ELOVL4: variants seen among roughly 807,000 people sequenced by gnomAD.
ELOVL4 encodes very long chain fatty acid elongase 4.
A neutral mutation model predicts 42.1 loss-of-function variants in ELOVL4; 18 were observed. The observed-to-expected ratio is 0.43, with a 90% CI of 0.30 to 0.63. The LOEUF is 0.63. Ranked by LOEUF, ELOVL4 falls within the 30% of genes least tolerant of loss-of-function variation. The pLI, the probability that ELOVL4 is intolerant of heterozygous loss-of-function variation, is 0.15. For synonymous variants in ELOVL4, 117 were observed against 127.0 expected, an observed-to-expected ratio of 0.92 and a Z score of 0.53; for missense variants, 299 against 376.2, an observed-to-expected ratio of 0.79 and a Z score of 1.70.
rs768130827 is a variant in ELOVL4 at position 79,916,662 on chromosome 6, T to A, written c.891A>T (p.Gln297His). Residue 297 changes from glutamine to histidine, a missense_variant, in exon 6 of 6, where the codon CAA (glutamine) becomes CAT (histidine). Physicochemically the swap from Gln to His is conservative, Grantham distance 24. Transcript: ENST00000369816. Reference protein sequence around the residue: ...SANGVSKSEKQLMIENGKKQK... With the variant: ...SANGVSKSEKHLMIENGKKQK... ...GCTTTTTTCCATTTTCTATCATGAG[T>A]TGTTTTTCTGATTTGCTCACACCAT... 1 of 1,614,218 alleles carries A rather than the reference T, an allele frequency of 6.2e-7. No homozygotes were observed. The highest frequency in any genetic ancestry group is 1.1e-5 in the South Asian group (1 of 91,088).
chr6:79,924,383 T>C (rs1238785318), intron 3 of ELOVL4, among the ~76,000 whole-genome samples: 1 of 152,226 alleles, frequency 6.6e-6, no homozygotes, highest in African/African-American at 2.4e-5. Flanking sequence ...ACTTCTTTGC[T>C]TTAACAAGTA....
At chr6:79,923,188 T>A (rs1308510747) in intron 3 of ELOVL4, among the ~76,000 whole-genome samples, 1 of 152,186 alleles carries the variant, frequency 6.6e-6, no homozygotes, top group Non-Finnish European at 1.5e-5. Flanking sequence ...CAAAAAGTGA[T>A]ACTTCTTGGC....
At chr6:79,946,124 C>T (rs528355944) in intron 1 of ELOVL4, among the ~76,000 whole-genome samples, 1 of 152,292 alleles carries the variant, frequency 6.6e-6, no homozygotes, top group African/African-American at 2.4e-5. Context: ...AAGGCAGAGT[C>T]ATAAGATGGA....
rs1454915194 is a variant in ELOVL4, at chr6:79,921,636, G to A, written c.530C>T (p.Ala177Val). 1 of 1,613,860 alleles carries A rather than the reference G, an allele frequency of 6.2e-7. No individual in the cohort carries two copies. The highest frequency in any genetic ancestry group is 8.5e-7 in the Non-Finnish European group (1 of 1,179,940). Residue 177 changes from alanine (A) to valine (V), a missense_variant, in exon 4 of 6, where the codon GCA becomes GTA. Transcript: ENST00000369816. ...TLWWIGIKWVAGGQAFFGAQL... is the reference protein window; with the variant it reads ...TLWWIGIKWVVGGQAFFGAQL... ...CTGAAAATGCTCACCTTGTCCTCCTGCAACCCACTTAATTCCAATCCACCA... is the reference window on the plus strand; with the variant it reads ...CTGAAAATGCTCACCTTGTCCTCCTACAACCCACTTAATTCCAATCCACCA...
intron 3 of ELOVL4, among the ~76,000 whole-genome samples, chr6:79,922,730 C>G (rs1222378439): frequency 1.3e-5 from 2 of 152,104 alleles, no homozygotes; most frequent in African/African-American, 2.4e-5. Flanking sequence ...GTTGAAGGAT[C>G]CCTTTGCATT....
chr6:79,940,060 C>A (rs185617961), intron 1 of ELOVL4, among the ~76,000 whole-genome samples: 1 of 152,050 alleles, frequency 6.6e-6, no homozygotes, highest in Non-Finnish European at 1.5e-5. Context: ...CTGCTATGTA[C>A]GTGTGTGAAA....
rs1375091390 is a variant in ELOVL4 at position 79,915,795 on chromosome 6, G to A, written c.*813C>T. 6.7e-6 allele frequency: 1 copy of A among 150,290 alleles called. No homozygotes were observed. Among genetic ancestry groups the A allele is most frequent in the Non-Finnish European group, 1.5e-5 (1 of 67,628 alleles). 9.3% of individuals were successfully genotyped at this position (150,290 alleles called of 1,614,324 possible). ...CAGCACATAAATGTAACTATCTTAT[G>A]ATGTTACTAATAAAGACATGAGTTG... On this transcript the variant is annotated 3_prime_UTR_variant, in exon 6 of 6. Transcript: ENST00000369816.
In ELOVL4 at chr6:79,916,109, T is replaced by C. The variant is rs1774155567; in HGVS notation, c.*499A>G. Reference sequence around the variant, plus strand: ...GACTAGAGGTGGAGAGATTTGACCATTCCGGTCAGCAAATGAATTCAAATG... The same window carrying C: ...GACTAGAGGTGGAGAGATTTGACCACTCCGGTCAGCAAATGAATTCAAATG... On this transcript the variant is annotated 3_prime_UTR_variant, in exon 6 of 6. Coordinates refer to ENST00000369816, the MANE Select transcript of ELOVL4 (RefSeq NM_022726.4). 6.1e-6 allele frequency: 1 copy of C among 164,214 alleles called. No homozygotes were observed. The highest frequency in any genetic ancestry group is 2.4e-5 in the African/African-American group (1 of 41,520). The allele number at this position is 164,214 out of a possible 1,614,324, so 10.2% of individuals were successfully genotyped here. A position where few individuals can be genotyped will look rare whatever the true frequency, so the allele number is the denominator to read the frequency against.
In ELOVL4 at chr6:79,947,288, T is replaced by C; in HGVS notation, c.-9A>G. 8 of 1,608,092 alleles carry C rather than the reference T, an allele frequency of 5.0e-6. No homozygotes were observed. Among genetic ancestry groups the C allele is most frequent in the Non-Finnish European group, 6.8e-6 (8 of 1,176,052 alleles). ...GAGTCCAGGAGCCCCATCGCGGCGA[T>C]GAGCGGGCGCTGGCGGCAGGAGAAA... On this transcript the variant is annotated 5_prime_UTR_variant, in exon 1 of 6. Transcript: ENST00000369816.
At chr6:79,927,084 C>A (rs747838130) in intron 1 of ELOVL4, among the ~76,000 whole-genome samples, 1 of 152,000 alleles carries the variant, frequency 6.6e-6, no homozygotes, top group African/African-American at 2.4e-5. Context: ...ATATAAAATG[C>A]AACACATTAT....
intron 1 of ELOVL4, among the ~76,000 whole-genome samples, chr6:79,941,750 TC>T (rs1298324894): frequency 6.6e-6 from 1 of 152,172 alleles, no homozygotes; most frequent in African/African-American, 2.4e-5. Flanking sequence ...AAAGCCTTAT[TC>T]ATGTTTAGCA....
chr6:79,926,796 A>G (rs1389065379), intron 1 of ELOVL4, among the ~76,000 whole-genome samples: 1 of 152,116 alleles, frequency 6.6e-6, no homozygotes, highest in Non-Finnish European at 1.5e-5. Flanking sequence ...CTGTGTGTCC[A>G]CTCCTAAAGC....
At chr6:79,944,163 A>C (rs1409605367) in intron 1 of ELOVL4, among the ~76,000 whole-genome samples, 2 of 152,246 alleles carry the variant, frequency 1.3e-5, no homozygotes, top group Non-Finnish European at 2.9e-5. Context: ...TGAATAAATG[A>C]ATAATGTAGA....
At position 79,928,747 on chromosome 6, in the gene ELOVL4, T is replaced by G. The variant is rs796495439; in HGVS notation, c.101-2366A>C. Among the ~76,000 whole-genome samples, 56 of 144,866 alleles carry G rather than the reference T, an allele frequency of 3.9e-4. 1 individual carries two copies. Among genetic ancestry groups the G allele is most frequent in the African/African-American group, 1.4e-3 (54 of 38,400 alleles). On this transcript the variant is annotated intron_variant, in intron 1 of 5. Transcript: ENST00000369816. ...ACTGGGTTTTTTTTTTTTTTTTTTT[T>G]TTTTTTTTAAGAAATGGAGTCTCAT...
intron 4 of ELOVL4, 87 bp downstream of exon 4, chr6:79,921,538 T>C: frequency 2.1e-6 from 2 of 955,510 alleles, no homozygotes; most frequent in Non-Finnish European, 1.6e-6. Context: ...AAATGGTAGA[T>C]CAAGTCAAAG....
At chr6:79,929,762 C>T (rs561820013) in intron 1 of ELOVL4, among the ~76,000 whole-genome samples, 13 of 152,202 alleles carry the variant, frequency 8.5e-5, no homozygotes, top group Admixed American at 6.5e-4. Context: ...GGTCAGGGGA[C>T]GCATTTTGCA....
rs1328093202 is a variant in ELOVL4, at chr6:79,926,311, G to A, written c.171C>T (p.Leu57=). The change falls in exon 2 of 6, where the codon CTC becomes CTT. Residue 57 remains leucine, a synonymous_variant. Coordinates refer to ENST00000369816, the MANE Select transcript of ELOVL4 (RefSeq NM_022726.4). ...ATTTTGGACCCAGCCACACAAACAGGAGATAAAGAGTGCTTATACTTAGTG... is the reference window on the plus strand; with the variant it reads ...ATTTTGGACCCAGCCACACAAACAGAAGATAAAGAGTGCTTATACTTAGTG... ...WPTLSISTLY[L]LFVWLGPKWM... is the part of the protein sequence containing the mutation. 3 of 1,613,986 alleles carry A rather than the reference G, an allele frequency of 1.9e-6. No individual in the cohort carries two copies. The highest frequency in any genetic ancestry group is 2.5e-6 in the Non-Finnish European group (3 of 1,179,970).
intron 1 of ELOVL4, among the ~76,000 whole-genome samples, chr6:79,927,987 A>C (rs908778361): frequency 6.6e-6 from 1 of 152,182 alleles, no homozygotes; most frequent in Non-Finnish European, 1.5e-5. Flanking sequence ...GTGACTGTTC[A>C]CTTTTCTTAA....
At chr6:79,943,187 A>C (rs886863804) in intron 1 of ELOVL4, among the ~76,000 whole-genome samples, 3 of 152,218 alleles carry the variant, frequency 2.0e-5, no homozygotes, top group African/African-American at 7.2e-5. Flanking sequence ...TAATGTAAGC[A>C]TACTGTACAA....
Sources: gnomAD v4.1 joint callset for allele counts (sites outside exome capture counted in the v4.1 genomes callset) on GRCh38, gnomAD v4.1.1 for gene constraint, MANE v1.5 for transcripts, NCBI Gene and HGNC (gene_info 2026-07-23, HGNC 2026-07-21) for gene names.